Variants in NPNT observed in about 807,000 individuals in gnomAD.
NPNT encodes nephronectin.
In NPNT, 45 loss-of-function variants were observed where a neutral mutation model predicts 68.6. That is an observed-to-expected ratio of 0.66 (90% CI 0.52 to 0.84). The LOEUF is 0.84. Ranked by LOEUF, NPNT falls within the 40% of genes least tolerant of loss-of-function variation. The pLI is 0.00. For synonymous variants in NPNT, 233 were observed against 253.3 expected (o/e 0.92, Z 0.76); for missense variants, 672 against 714.8 (o/e 0.94, Z 0.68).
At chr4:105,937,802 T>C (rs1447984154) in intron 4 of NPNT, among the ~76,000 whole-genome samples, 8 of 152,196 alleles carry the variant, frequency 5.3e-5, no homozygotes, top group Non-Finnish European at 1.0e-4. Context: ...TATCTGACAA[T>C]TAATGACTTG....
intron 7 of NPNT, 96 bp from the exon 8 acceptor site, chr4:105,942,211 C>A: frequency 2.2e-6 from 2 of 902,850 alleles, no homozygotes; most frequent in South Asian, 1.8e-5. Context: ...AAAAATGATA[C>A]CAGTTGTCAT....
chr4:105,905,255 T>A (rs1243765834), intron 2 of NPNT, among the ~76,000 whole-genome samples: 1 of 152,224 alleles, frequency 6.6e-6, no homozygotes, highest in East Asian at 1.9e-4. Context: ...TTCTAATAGT[T>A]ATTCTAATCC....
intron 2 of NPNT, among the ~76,000 whole-genome samples, chr4:105,905,672 C>T (rs1330778854): frequency 1.3e-5 from 2 of 151,968 alleles, no homozygotes; most frequent in South Asian, 2.1e-4. Context: ...ATTTATGTAC[C>T]TTTGAGTGGT....
At chr4:105,898,290 T>TTCTCTCTCTCTC (rs148494812) in intron 2 of NPNT, among the ~76,000 whole-genome samples, 4 of 94,798 alleles carry the variant, frequency 4.2e-5, no homozygotes, top group African/African-American at 1.6e-4. Flanking sequence ...CCAGGTTTAT[T>TTCTCTCTCTCTC]TCTCTCTCTC....
chr4:105,898,328 G>GTCTGTCTC (rs1726082944), intron 2 of NPNT, among the ~76,000 whole-genome samples: 6 of 53,988 alleles, frequency 1.1e-4, no homozygotes, highest in South Asian at 1.7e-3. Flanking sequence ...CTCTCTCTCT[G>GTCTGTCTC]TCTCTCTCTC....
At chr4:105,932,913 T>C (rs1326366198) in intron 3 of NPNT, among the ~76,000 whole-genome samples, 2 of 152,234 alleles carry the variant, frequency 1.3e-5, no homozygotes, top group East Asian at 1.9e-4. Flanking sequence ...GCATCGAGTA[T>C]CATTGCTTTT....
rs539782265 is a variant in NPNT, at chr4:105,941,855, T to A, written c.764-452T>A. 1.8e-4 allele frequency among the ~76,000 whole-genome samples: 28 copies of A among 152,326 alleles called. No individual in the cohort carries two copies. The East Asian group carries it at 5.2e-3, about 28-fold the overall frequency. On this transcript the variant is annotated intron_variant, in intron 7 of 11. Transcript: ENST00000379987. ...AGAAAAGTATTTGTCTTTAGACAAT[T>A]CTGAACACAATTTTATAATATACAC...
chr4:105,934,667 T>G (rs1729373991), intron 3 of NPNT, among the ~76,000 whole-genome samples: 2 of 152,220 alleles, frequency 1.3e-5, no homozygotes, highest in Non-Finnish European at 2.9e-5. Context: ...GATACTTATA[T>G]GCCCGTTAAT....
chr4:105,942,726 A>G (rs1315967612), intron 8 of NPNT, 24 bp downstream of exon 8: 1 of 1,567,638 alleles, frequency 6.4e-7, no homozygotes. Flanking sequence ...ATGTTAGCAC[A>G]TTTTCAATAG....
intron 2 of NPNT, among the ~76,000 whole-genome samples, chr4:105,918,323 G>A (rs879690071): frequency 6.6e-6 from 1 of 152,000 alleles, no homozygotes; most frequent in Non-Finnish European, 1.5e-5. Flanking sequence ...AGAGATTTTG[G>A]TTGCTAAAAA....
Position 105,970,274 on chromosome 4 carries a change from C to A in NPNT, c.*1284C>A. The A allele has an allele frequency of 1.7e-6, 1 of 588,300 alleles. No individual in the cohort carries two copies. Among genetic ancestry groups the A allele is most frequent in the South Asian group, 2.0e-5 (1 of 49,836 alleles). 36.4% of individuals were successfully genotyped at this position (588,300 alleles called of 1,614,324 possible). ...AACCCCCAACTGTATTTCCTCCCTG[C>A]ATATTTTACCAATATATTAAAAAAC... On this transcript the variant is annotated 3_prime_UTR_variant, in exon 12 of 12. Coordinates refer to ENST00000379987, the MANE Select transcript of NPNT (RefSeq NM_001033047.3).
chr4:105,967,572 G>T, intron 11 of NPNT, 128 bp downstream of exon 11: 1 of 863,650 alleles, frequency 1.2e-6, no homozygotes, highest in Non-Finnish European at 1.7e-6. Flanking sequence ...TTTTTTTCTG[G>T]GCCTGATGAC....
Position 105,967,385 on chromosome 4 carries a change from A to G in NPNT, c.1543A>G (p.Asn515Asp). 1.2e-6 allele frequency: 2 copies of G among 1,606,184 alleles called. No homozygotes were observed. The highest frequency in any genetic ancestry group is 2.2e-5 in the South Asian group (2 of 89,642). The change falls in exon 11 of 12, where the codon AAT becomes GAT. Residue 515 changes from asparagine (N) to aspartate (D), a missense_variant. Transcript: ENST00000379987. ...CCACGGAGCAGCCCTGTGGGGAAGA[A>G]ATGGTGGCCATGGCTGGAGGCAAAC... ...GAHGAALWGR[N>D]GGHGWRQTQI...
At chr4:105,907,179 G>A (rs182902193) in intron 2 of NPNT, among the ~76,000 whole-genome samples, 6 of 152,170 alleles carry the variant, frequency 3.9e-5, no homozygotes, top group Admixed American at 1.3e-4. Context: ...TCAACATCCC[G>A]TACCCAAACC....
At chr4:105,922,375 C>T (rs1283569023) in intron 2 of NPNT, among the ~76,000 whole-genome samples, 2 of 145,150 alleles carry the variant, frequency 1.4e-5, no homozygotes, top group Non-Finnish European at 3.0e-5. Context: ...CCAGTTACAT[C>T]ACTTAAGATG....
At chr4:105,898,033 T>G (rs1368094102) in intron 2 of NPNT, 32 bp downstream of exon 2, 1 of 1,411,310 alleles carries the variant, frequency 7.1e-7, no homozygotes, top group South Asian at 1.3e-5. Context: ...TTCAGTTCCC[T>G]GGGAGGTGTG....
Position 105,940,615 on chromosome 4 carries a change from G to A in NPNT, c.742G>A (p.Gly248Ser), listed in dbSNP as rs765891401. 1.2e-6 allele frequency: 2 copies of A among 1,613,378 alleles called. No homozygotes were observed. Among genetic ancestry groups the A allele is most frequent in the South Asian group, 2.2e-5 (2 of 91,062 alleles). The change falls in exon 7 of 12, where the codon GGT becomes AGT. Residue 248 changes from glycine (G) to serine (S), a missense_variant. Transcript: ENST00000379987. ...GTGCAAATGTAAAGAAGGATACCAGGGTGATGGACTGACTTGTGTGTGTGA... is the reference window on the plus strand; with the variant it reads ...GTGCAAATGTAAAGAAGGATACCAGAGTGATGGACTGACTTGTGTGTGTGA... ...YKCKCKEGYQ[G>S]DGLTCVYIPK...
At chr4:105,901,783 T>G (rs1352795144) in intron 2 of NPNT, among the ~76,000 whole-genome samples, 2 of 152,158 alleles carry the variant, frequency 1.3e-5, no homozygotes, top group Non-Finnish European at 2.9e-5. Flanking sequence ...AAGTGAAAAT[T>G]TTGGATTCTT....
intron 7 of NPNT, among the ~76,000 whole-genome samples, chr4:105,941,798 T>G (rs1009729796): frequency 6.6e-6 from 1 of 152,222 alleles, no homozygotes. Flanking sequence ...AAGCTGTATT[T>G]ATGCAAATTG....
Sources: gnomAD v4.1 joint callset for allele counts (sites outside exome capture counted in the v4.1 genomes callset) on GRCh38, gnomAD v4.1.1 for gene constraint, MANE v1.5 for transcripts, NCBI Gene and HGNC (gene_info 2026-07-23, HGNC 2026-07-21) for gene names.